TWIST2: variants seen among roughly 807,000 people sequenced by gnomAD.
The protein encoded by TWIST2 is twist-related protein 2.
In TWIST2, 1 loss-of-function variant was observed where a neutral mutation model predicts 11.6. The observed-to-expected ratio is 0.09, with a 90% CI of 0.03 to 0.41. TWIST2 has a LOEUF of 0.41. Among genes scored for constraint, TWIST2 ranks in the 10% least tolerant of loss-of-function variants. The probability of loss-of-function intolerance (pLI) is 0.98; values close to 1 mark genes in which losing one functional copy is unlikely to be tolerated. For synonymous variants in TWIST2, 87 were observed against 96.6 expected (o/e 0.90, Z 0.58); for missense variants, 168 against 226.4 (o/e 0.74, Z 1.66).
rs899747919 is a variant in TWIST2, at chr2:238,867,033, T to C, written c.*35+18300T>C. On this transcript the variant is annotated intron_variant, in intron 1 of 1. Coordinates refer to ENST00000612363, the MANE Select transcript of TWIST2 (RefSeq NM_001271893.4). This position sits in a 1 kb window ranked among gnomAD's most constrained non-coding sequence, Gnocchi z 4.8. Reference sequence around the variant, plus strand: ...ACGCATGTTTTCTGTGCATCTGTGATTTACAATTCCCTGGCTGCCTTCCAA... The same window carrying C: ...ACGCATGTTTTCTGTGCATCTGTGACTTACAATTCCCTGGCTGCCTTCCAA... 4.6e-5 allele frequency among the ~76,000 whole-genome samples: 7 copies of C among 152,124 alleles called. No homozygotes were observed. Among genetic ancestry groups the C allele is most frequent in the African/African-American group, 1.7e-4 (7 of 41,410 alleles).
In TWIST2 at chr2:238,863,283, G is replaced by A. The variant is rs1465295966; in HGVS notation, c.*35+14550G>A. ...ACCCCCACTCGGTGTTAGGACTTAG[G>A]TACTTGCTGAAGTAATACAAAAGAG... On this transcript the variant is annotated intron_variant, in intron 1 of 1. Transcript: ENST00000612363. This position sits in a 1 kb window ranked among gnomAD's most constrained non-coding sequence, Gnocchi z 4.7. 6.6e-6 allele frequency among the ~76,000 whole-genome samples: 1 copy of A among 152,112 alleles called. No individual in the cohort carries two copies. The highest frequency in any genetic ancestry group is 1.5e-5 in the Non-Finnish European group (1 of 68,034).
intron 1 of TWIST2, among the ~76,000 whole-genome samples, chr2:238,900,359 C>A (rs1158252041): frequency 2.0e-5 from 3 of 152,200 alleles, no homozygotes; most frequent in Non-Finnish European, 4.4e-5. Flanking sequence ...TGGCCAGAAG[C>A]TGTAGGGGTT....
At chr2:238,857,516 C>T (rs1471988878) in intron 1 of TWIST2, among the ~76,000 whole-genome samples, 1 of 152,098 alleles carries the variant, frequency 6.6e-6, no homozygotes, top group Admixed American at 6.5e-5. Context: ...CAGGCCAGGC[C>T]ACTGCTGCGG....
intron 1 of TWIST2, among the ~76,000 whole-genome samples, chr2:238,902,650 T>C (rs1163208906): frequency 2.2e-5 from 3 of 136,010 alleles, no homozygotes; most frequent in Admixed American, 7.3e-5. Flanking sequence ...TGTGTGATGG[T>C]GTGTGTGTGA....
At chr2:238,857,057 G>A (rs1287234094) in intron 1 of TWIST2, among the ~76,000 whole-genome samples, 1 of 152,186 alleles carries the variant, frequency 6.6e-6, no homozygotes, top group Non-Finnish European at 1.5e-5. Flanking sequence ...GAGGAAGGTG[G>A]TCAGGGGGCC....
At chr2:238,890,587 T>C (rs532833028) in intron 1 of TWIST2, among the ~76,000 whole-genome samples, 18 of 152,328 alleles carry the variant, frequency 1.2e-4, no homozygotes, top group African/African-American at 4.3e-4. Flanking sequence ...AAATTCACTG[T>C]TTAGGAAAAT....
chr2:238,867,922 T>C lies in TWIST2; in HGVS notation c.*35+19189T>C, dbSNP rs1692572277. ...GGAGCAGGTGGGCTGAAGAATGTGT[T>C]GGAGCAGAGACTGTGGTCAGCGGAA... is the stretch of plus-strand genomic sequence containing the variant. On this transcript the variant is annotated intron_variant, in intron 1 of 1. Coordinates refer to ENST00000612363, the MANE Select transcript of TWIST2 (RefSeq NM_001271893.4). The surrounding 1 kb of genome is among the most constrained non-coding windows in gnomAD (Gnocchi z 4.8). 6.6e-6 allele frequency among the ~76,000 whole-genome samples: 1 copy of C among 152,154 alleles called. No homozygotes were observed. Among genetic ancestry groups the C allele is most frequent in the Admixed American group, 6.5e-5 (1 of 15,272 alleles).
intron 1 of TWIST2, among the ~76,000 whole-genome samples, chr2:238,900,199 A>C (rs894890000): frequency 6.6e-6 from 1 of 152,142 alleles, no homozygotes; most frequent in African/African-American, 2.4e-5. Context: ...TTCTTGGATG[A>C]GTTTGGTAAC....
Position 238,907,894 on chromosome 2 carries a change from A to T in TWIST2, c.*36-1948A>T, listed in dbSNP as rs1693381632. 1.4e-3 allele frequency among the ~76,000 whole-genome samples: 3 copies of T among 2,166 alleles called. No individual in the cohort carries two copies. In the South Asian group the frequency reaches 0.044, roughly 32 times the overall value. The allele number at this position is 2,166 out of a possible 152,430, so 1.4% of individuals were successfully genotyped here. ...TACACACACACCACACAAACACACT[A>T]CACCCCCACTTACAAACACACACCA... is the stretch of plus-strand genomic sequence containing the variant. On this transcript the variant is annotated intron_variant, in intron 1 of 1. Transcript: ENST00000612363.
rs1242034550 is a variant in TWIST2 at position 238,863,801 on chromosome 2, T to C, written c.*35+15068T>C. 6.6e-6 allele frequency among the ~76,000 whole-genome samples: 1 copy of C among 152,198 alleles called. No individual in the cohort carries two copies. The highest frequency in any genetic ancestry group is 1.5e-5 in the Non-Finnish European group (1 of 68,034). On this transcript the variant is annotated intron_variant, in intron 1 of 1. Coordinates refer to ENST00000612363, the MANE Select transcript of TWIST2 (RefSeq NM_001271893.4). This position sits in a 1 kb window ranked among gnomAD's most constrained non-coding sequence, Gnocchi z 4.7. ...TACTAGAGACGTTTTATTCACTTTT[T>C]ACCAGGATCAAAAATGAAAACCACG...
intron 1 of TWIST2, among the ~76,000 whole-genome samples, chr2:238,860,842 G>A (rs531019624): frequency 3.3e-5 from 5 of 152,344 alleles, no homozygotes; most frequent in Non-Finnish European, 7.3e-5. Flanking sequence ...GGAGGCTGAG[G>A]CAGGAGAATC....
chr2:238,905,924 T>C (rs1157656704), intron 1 of TWIST2, among the ~76,000 whole-genome samples: 33 of 92,700 alleles, frequency 3.6e-4, no homozygotes, highest in East Asian at 3.5e-3. Context: ...CGTGCAGGTG[T>C]GCGTGTGCGC....
Position 238,903,496 on chromosome 2 carries a change from G to T in TWIST2, c.*36-6346G>T, listed in dbSNP as rs1473963354. On this transcript the variant is annotated intron_variant, in intron 1 of 1. Coordinates refer to ENST00000612363, the MANE Select transcript of TWIST2 (RefSeq NM_001271893.4). ...TGTGTGTGCATGATGTGAGGTGTGT[G>T]TGATGTGTGTGTGTGATGTGGGGTG... is the stretch of plus-strand genomic sequence containing the variant. Among the ~76,000 whole-genome samples, 7 of 140,138 alleles carry T rather than the reference G, an allele frequency of 5.0e-5. No individual in the cohort carries two copies. In the East Asian group the frequency reaches 1.4e-3, roughly 29 times the overall value. 91.9% of individuals were successfully genotyped at this position (140,138 alleles called of 152,430 possible).
intron 1 of TWIST2, among the ~76,000 whole-genome samples, chr2:238,886,429 G>T (rs34581711): frequency 0.15 from 23,140 of 152,054 alleles, 2,378 homozygotes; most frequent in Middle Eastern, 0.26. Flanking sequence ...CTCGTACACA[G>T]TATGAGGGAG....
At chr2:238,907,429 C>G (rs1030256551) in intron 1 of TWIST2, among the ~76,000 whole-genome samples, 29 of 152,190 alleles carry the variant, frequency 1.9e-4, no homozygotes, top group Non-Finnish European at 2.2e-4. Context: ...TGTCTCCTCC[C>G]CCTGCAGGTG....
At chr2:238,876,598 C>T (rs1317987370) in intron 1 of TWIST2, among the ~76,000 whole-genome samples, 2 of 152,294 alleles carry the variant, frequency 1.3e-5, no homozygotes, top group Non-Finnish European at 2.9e-5. Context: ...ATAGGAGAAA[C>T]TCTCTCTCAG....
chr2:238,897,632 G>A (rs1036229839), intron 1 of TWIST2, among the ~76,000 whole-genome samples: 1 of 152,222 alleles, frequency 6.6e-6, no homozygotes, highest in Non-Finnish European at 1.5e-5. Context: ...GATGTGGCCT[G>A]GAAGGAGGCA....
chr2:238,907,438 T>A (rs1429100252), intron 1 of TWIST2, among the ~76,000 whole-genome samples: 1 of 152,036 alleles, frequency 6.6e-6, no homozygotes, highest in East Asian at 1.9e-4. Flanking sequence ...CCCCTGCAGG[T>A]GGGAACCAGG....
intron 1 of TWIST2, among the ~76,000 whole-genome samples, chr2:238,887,746 C>G (rs1693067254): frequency 6.6e-6 from 1 of 152,192 alleles, no homozygotes; most frequent in Non-Finnish European, 1.5e-5. Flanking sequence ...CTGAAGAGGC[C>G]ACAGGTTCTC....
Sources: gnomAD v4.1 joint callset for allele counts (sites outside exome capture counted in the v4.1 genomes callset) on GRCh38, gnomAD v4.1.1 for gene constraint, Gnocchi (gnomAD v3.1) non-coding constraint, MANE v1.5 for transcripts, NCBI Gene and HGNC (gene_info 2026-07-23, HGNC 2026-07-21) for gene names.